Variants in LMF1 observed in about 807,000 individuals in gnomAD.
LMF1 encodes the protein transmembrane protein 112.
In LMF1, 68 loss-of-function variants were observed where a neutral mutation model predicts 60.6. That is an observed-to-expected ratio of 1.12 (90% CI 0.92 to 1.37). The LOEUF (loss-of-function observed/expected upper bound fraction) is 1.37. LMF1 is among the 40% of genes most tolerant of loss of function. The probability of loss-of-function intolerance (pLI) is 0.00; values close to 1 mark genes in which losing one functional copy is unlikely to be tolerated. For missense variants in LMF1, 948 were observed against 767.2 expected, an observed-to-expected ratio of 1.24 and a Z score of -2.78; for synonymous variants, 418 against 324.7, an observed-to-expected ratio of 1.29 and a Z score of -3.09.
chr16:863,155 G>C (rs1176388838), intron 10 of LMF1, among the ~76,000 whole-genome samples: 1 of 152,086 alleles, frequency 6.6e-6, no homozygotes, highest in Non-Finnish European at 1.5e-5. Context: ...CAGATTGCAG[G>C]GTCTGTAGTG....
intron 2 of LMF1, among the ~76,000 whole-genome samples, chr16:946,884 G>A (rs1428810283): frequency 6.6e-6 from 1 of 152,192 alleles, no homozygotes; most frequent in East Asian, 1.9e-4. Context: ...TAAATGACCC[G>A]ATGACAGTTG....
chr16:895,458 C>T (rs2151735092), intron 4 of LMF1, among the ~76,000 whole-genome samples: 1 of 152,356 alleles, frequency 6.6e-6, no homozygotes, highest in Admixed American at 6.5e-5. Flanking sequence ...TTCGGGGCGG[C>T]CGTGGGCCCC....
At chr16:861,063 A>C (rs2069448548) in intron 10 of LMF1, among the ~76,000 whole-genome samples, 1 of 152,122 alleles carries the variant, frequency 6.6e-6, no homozygotes, top group Admixed American at 6.6e-5. Context: ...TCAATCTGGA[A>C]GGACCTGTCA....
chr16:866,302 G>A (rs2069607476), intron 10 of LMF1, among the ~76,000 whole-genome samples: 1 of 152,240 alleles, frequency 6.6e-6, no homozygotes, highest in African/African-American at 2.4e-5. Context: ...GGTTGGGGTA[G>A]AACTCCAGTG....
intron 5 of LMF1, among the ~76,000 whole-genome samples, chr16:892,648 G>A (rs982792840): frequency 4.6e-5 from 7 of 152,214 alleles, no homozygotes; most frequent in African/African-American, 1.7e-4. Flanking sequence ...CACGCAGCCA[G>A]GAAGCCCCCA....
Position 934,245 on chromosome 16 carries a change from G to A in LMF1, c.513C>T (p.Phe171=), listed in dbSNP as rs764311912. Residue 171 remains phenylalanine, a splice_region_variant and synonymous_variant, in exon 3 of 11, where the codon TTC becomes TTT. Coordinates refer to ENST00000262301, the MANE Select transcript of LMF1 (RefSeq NM_022773.4). Reference sequence around the variant, plus strand: ...TTTCTCTAAATGCATCTCACTTACCGAAAGAGTACCTGAAAAACAAAAGAA... The same window carrying A: ...TTTCTCTAAATGCATCTCACTTACCAAAAGAGTACCTGAAAAACAAAAGAA... The part of the protein sequence containing the change: ...LVNVGHVWYS[F]GWESQLLETG... The A allele has an allele frequency of 1.2e-5, 19 of 1,599,184 alleles. No individual in the cohort carries two copies. The highest frequency in any genetic ancestry group is 5.3e-5 in the African/African-American group (4 of 74,912).
At chr16:856,352 C>T (rs924655896) in intron 10 of LMF1, among the ~76,000 whole-genome samples, 2 of 152,194 alleles carry the variant, frequency 1.3e-5, no homozygotes, top group Admixed American at 6.5e-5. Flanking sequence ...AGCTCAGCAG[C>T]AGACTGAAGG....
chr16:859,883 T>C (rs1350488779), intron 10 of LMF1, among the ~76,000 whole-genome samples: 68 of 135,444 alleles, frequency 5.0e-4, no homozygotes, highest in African/African-American at 2.0e-3. Flanking sequence ...GGGATGGGTG[T>C]GAGTGGTGTC....
chr16:910,812 C>A, intron 4 of LMF1, 119 bp downstream of exon 4: 1 of 1,318,768 alleles, frequency 7.6e-7, no homozygotes, highest in Non-Finnish European at 1.1e-6. Context: ...CAGGCCAGGC[C>A]GACAGGAGGA....
At chr16:918,181 T>A (rs1672547038) in intron 3 of LMF1, among the ~76,000 whole-genome samples, 1 of 152,186 alleles carries the variant, frequency 6.6e-6, no homozygotes, top group Admixed American at 6.5e-5. Context: ...TTATGAGGAA[T>A]TTCGTGGACT....
rs1197333232 is a variant in LMF1 at position 954,615 on chromosome 16, CT to C, written c.244del (p.Arg82GlyfsTer10). On this transcript the variant is annotated frameshift_variant, in exon 2 of 11. Transcript: ENST00000262301. LOFTEE classifies it high-confidence loss of function. ...FHQNKQLIGD[R>X]GLLPCRVFLK... ...GAACACTCTGCAGGGAAGCAGCCCC[CT>C]GTCACCGATGAGCTGCTTGTTCTGA... The C allele has an allele frequency of 6.2e-7, 1 of 1,609,618 alleles. No homozygotes were observed. The highest frequency in any genetic ancestry group is 8.5e-7 in the Non-Finnish European group (1 of 1,177,006).
At chr16:891,166 C>T (rs1041546758) in intron 5 of LMF1, among the ~76,000 whole-genome samples, 1 of 152,052 alleles carries the variant, frequency 6.6e-6, no homozygotes, top group African/African-American at 2.4e-5. Flanking sequence ...CAGCTGTGGG[C>T]CCCCCCGGCC....
At chr16:940,854 G>C (rs1425726827) in intron 2 of LMF1, among the ~76,000 whole-genome samples, 1 of 151,982 alleles carries the variant, frequency 6.6e-6, no homozygotes, top group Non-Finnish European at 1.5e-5. Flanking sequence ...TCTTTTTTTT[G>C]TTTGTTTAGT....
chr16:872,281 GC>G (rs891225421), intron 6 of LMF1: 5 of 152,208 alleles, frequency 3.3e-5, no homozygotes, highest in African/African-American at 9.7e-5. Context: ...ATGCATCAAA[GC>G]CCAGCCTTTA....
chr16:955,813 G>C (rs1239879803), intron 1 of LMF1, among the ~76,000 whole-genome samples: 2 of 152,236 alleles, frequency 1.3e-5, no homozygotes, highest in African/African-American at 4.8e-5. Context: ...CACACCCTGA[G>C]GACCCTGGCT....
At chr16:912,138 C>A (rs1304114687) in intron 3 of LMF1, among the ~76,000 whole-genome samples, 5 of 152,204 alleles carry the variant, frequency 3.3e-5, no homozygotes, top group Non-Finnish European at 7.3e-5. Flanking sequence ...CGCTGCCCAG[C>A]ATGACAACGA....
intron 2 of LMF1, chr16:947,272 C>T: frequency 2.8e-6 from 1 of 354,002 alleles, no homozygotes; most frequent in South Asian, 2.1e-5. Context: ...CTTGTCAAAT[C>T]CCTTCCCATG....
At chr16:934,135 G>A (rs759679376) in intron 3 of LMF1, 109 bp downstream of exon 3, 1 of 1,584,032 alleles carries the variant, frequency 6.3e-7, no homozygotes, top group South Asian at 1.1e-5. Flanking sequence ...TGGGAAGGCT[G>A]ATGGCAGAGG....
In LMF1 at chr16:911,001, T is replaced by TG; in HGVS notation, c.592dup (p.Gln198ProfsTer46). 5 of 1,613,054 alleles carry TG rather than the reference T, an allele frequency of 3.1e-6. No individual in the cohort carries two copies. The highest frequency in any genetic ancestry group is 4.2e-6 in the Non-Finnish European group (5 of 1,179,870). On this transcript the variant is annotated frameshift_variant, in exon 4 of 11. Coordinates refer to ENST00000262301, the MANE Select transcript of LMF1 (RefSeq NM_022773.4). LOFTEE classifies it high-confidence loss of function. ...GACAATCCGGGATGTGGGGGTATGC[T>TG]GGGGCAGCCTTGACAGCGTCCACAG...
Sources: allele counts gnomAD v4.1 joint callset (sites outside exome capture counted in the v4.1 genomes callset), GRCh38; gene constraint gnomAD v4.1.1; transcripts MANE v1.5; gene names NCBI Gene and HGNC (gene_info 2026-07-23, HGNC 2026-07-21).